The following DYRK4 variants were observed in gnomAD, a reference collection of about 807,000 sequenced individuals.
The protein encoded by DYRK4 is dual specificity tyrosine-phosphorylation-regulated kinase 4.
A neutral mutation model predicts 68.3 loss-of-function variants in DYRK4; 64 were observed. The ratio of observed to expected loss-of-function variants is 0.94; its 90% CI spans 0.77 to 1.15. The LOEUF (loss-of-function observed/expected upper bound fraction) is 1.15, where lower values mean the gene tolerates loss of function less well. Ranked by LOEUF, DYRK4 falls within the 50% of genes most tolerant of loss-of-function variation. The probability of loss-of-function intolerance (pLI) is 0.00; values close to 1 mark genes in which losing one functional copy is unlikely to be tolerated. For synonymous variants in DYRK4, 274 were observed against 289.9 expected, an observed-to-expected ratio of 0.95 and a Z score of 0.56; for missense variants, 740 against 764.7, an observed-to-expected ratio of 0.97 and a Z score of 0.38.
At chr12:4,584,024 A>T (rs1020053591) in intron 2 of DYRK4, among the ~76,000 whole-genome samples, 1 of 152,240 alleles carries the variant, frequency 6.6e-6, no homozygotes, top group Non-Finnish European at 1.5e-5. Context: ...GTTTGTTGCC[A>T]TGGAATTTCC....
intron 3 of DYRK4, chr12:4,590,063 T>G: frequency 9.4e-7 from 1 of 1,060,258 alleles, no homozygotes. Context: ...ATAATTGAGG[T>G]TTCGAGAAAG....
At chr12:4,569,542 A>G (rs1283411744) in intron 2 of DYRK4, among the ~76,000 whole-genome samples, 1 of 152,226 alleles carries the variant, frequency 6.6e-6, no homozygotes, top group African/African-American at 2.4e-5. Flanking sequence ...AAATTAATAT[A>G]CAAGCAAGGC....
At chr12:4,565,579 AG>A (rs1330084894) in intron 1 of DYRK4, among the ~76,000 whole-genome samples, 1 of 151,234 alleles carries the variant, frequency 6.6e-6, no homozygotes. Flanking sequence ...GCGCTGTCAG[AG>A]CTGAACAGAG....
intron 14 of DYRK4, 142 bp downstream of exon 14, chr12:4,612,860 A>G: frequency 1.1e-6 from 1 of 875,720 alleles, no homozygotes; most frequent in Non-Finnish European, 1.7e-6. Flanking sequence ...ATTCTGTTTA[A>G]TATGCTGTTT....
chr12:4,610,189 CAG>C lies in DYRK4; in HGVS notation c.1396_1397del (p.Arg466GlyfsTer19), dbSNP rs775589339. ...KGFPKNITNN[R>X]GKKRYPDSKD... ...GTTTTCCTAAAAATATAACCAACAA[CAG>C]GGGGAAAAAAAGATACCCAGATTCC... On this transcript the variant is annotated frameshift_variant, in exon 13 of 15. Transcript: ENST00000543431. LOFTEE classifies it high-confidence loss of function. 3.6e-5 allele frequency: 57 copies of C among 1,602,070 alleles called. No individual in the cohort carries two copies. Among genetic ancestry groups the C allele is most frequent in the Middle Eastern group, 1.7e-4 (1 of 6,036 alleles).
rs769212836 is a variant in DYRK4 at position 4,596,310 on chromosome 12, C to T, written c.764+25C>T. 3.1e-6 allele frequency: 5 copies of T among 1,613,634 alleles called. No homozygotes were observed. The South Asian group carries it at 4.4e-5, about 14-fold the overall frequency. ...GGTGTGGCTTGGGGATGACATAGGC[C>T]ACAGAGGAGGGACTGCGTGACTGTG... On this transcript the variant is annotated intron_variant, in intron 7 of 14. Coordinates refer to ENST00000543431, the MANE Select transcript of DYRK4 (RefSeq NM_001394779.1).
intron 13 of DYRK4, among the ~76,000 whole-genome samples, chr12:4,610,726 C>G (rs1400059887): frequency 6.6e-6 from 1 of 152,136 alleles, no homozygotes; most frequent in Non-Finnish European, 1.5e-5. Context: ...GCCTGTCCCC[C>G]TCCCCCTAGG....
At chr12:4,605,371 C>T (rs148804574) in intron 11 of DYRK4, among the ~76,000 whole-genome samples, 2 of 152,206 alleles carry the variant, frequency 1.3e-5, no homozygotes, top group Admixed American at 6.5e-5. Flanking sequence ...CAAAAATATC[C>T]AAAAGAATGC....
chr12:4,590,827 T>C, intron 4 of DYRK4: 1 of 422,180 alleles, frequency 2.4e-6, no homozygotes, highest in Non-Finnish European at 4.1e-6. Flanking sequence ...GTCCATGTGC[T>C]CCTGGGCAAG....
At chr12:4,583,507 T>C (rs549766981) in intron 2 of DYRK4, among the ~76,000 whole-genome samples, 1 of 152,098 alleles carries the variant, frequency 6.6e-6, no homozygotes, top group East Asian at 1.9e-4. Context: ...TGCTCTGTAC[T>C]TCAGTCACAG....
At chr12:4,596,796 C>T in intron 8 of DYRK4, 67 bp downstream of exon 8, 1 of 1,599,888 alleles carries the variant, frequency 6.3e-7, no homozygotes, top group Non-Finnish European at 8.5e-7. Context: ...TTTTTGAGGT[C>T]AGAACACTAG....
intron 2 of DYRK4, among the ~76,000 whole-genome samples, chr12:4,572,438 C>T (rs182580609): frequency 0.41 from 62,393 of 151,850 alleles, 13,373 homozygotes; most frequent in Middle Eastern, 0.49. Flanking sequence ...CCCGCCACCA[C>T]ACCTGGCTAA....
At chr12:4,602,542 G>A (rs1945093357) in intron 10 of DYRK4, 7 of 1,170,420 alleles carry the variant, frequency 6.0e-6, no homozygotes, top group Non-Finnish European at 8.8e-6. Flanking sequence ...ACTTATAAGT[G>A]GAGGGATATA....
chr12:4,587,648 G>A (rs531255425), intron 2 of DYRK4, among the ~76,000 whole-genome samples: 98 of 152,270 alleles, frequency 6.4e-4, no homozygotes, highest in Non-Finnish European at 7.9e-4. Flanking sequence ...GCACATTAGC[G>A]AATTAACGTG....
chr12:4,613,458 T>C lies in DYRK4; in HGVS notation c.1667-57T>C. ...AGTGATGTACAACCTAAAGGACAAT[T>C]AACATATAATCCACATTTGAATCTT... On this transcript the variant is annotated intron_variant, in intron 14 of 14. Transcript: ENST00000543431. This position sits in a 1 kb window ranked among gnomAD's most constrained non-coding sequence, Gnocchi z 4.0. The C allele has an allele frequency of 1.3e-6, 2 of 1,556,782 alleles. No individual in the cohort carries two copies. The highest frequency in any genetic ancestry group is 1.7e-6 in the Non-Finnish European group (2 of 1,145,464).
chr12:4,580,302 C>G (rs1353334479), intron 2 of DYRK4, among the ~76,000 whole-genome samples: 1 of 152,140 alleles, frequency 6.6e-6, no homozygotes, highest in Non-Finnish European at 1.5e-5. Context: ...CTGGTCCTCC[C>G]AAGAGGCTGG....
chr12:4,570,738 T>TC (rs1278966484), intron 2 of DYRK4, among the ~76,000 whole-genome samples: 1 of 152,234 alleles, frequency 6.6e-6, no homozygotes, highest in African/African-American at 2.4e-5. Flanking sequence ...GATATAACAA[T>TC]CAAGTATTCA....
At position 4,592,999 on chromosome 12, in the gene DYRK4, CA is replaced by C; in HGVS notation, c.464-2del. 6.2e-7 allele frequency: 1 copy of C among 1,612,302 alleles called. No individual in the cohort carries two copies. The highest frequency in any genetic ancestry group is 8.5e-7 in the Non-Finnish European group (1 of 1,179,142). ...ACTCACAATTGTAGTGTTTTTCACA[CA>C]GAGGCCCTAAAGCTTTTTAAGAACC... On this transcript the variant is annotated splice_acceptor_variant, in intron 5 of 14. Coordinates refer to ENST00000543431, the MANE Select transcript of DYRK4 (RefSeq NM_001394779.1). LOFTEE classifies it high-confidence loss of function.
intron 11 of DYRK4, 69 bp from the exon 12 acceptor site, chr12:4,607,258 C>T (rs1474348046): frequency 2.2e-5 from 35 of 1,585,624 alleles, no homozygotes; most frequent in South Asian, 1.1e-4. Context: ...GGCCAAAGTA[C>T]GCTCCACCCC....
Sources: gnomAD v4.1 joint callset for allele counts (sites outside exome capture counted in the v4.1 genomes callset) on GRCh38, gnomAD v4.1.1 for gene constraint, Gnocchi (gnomAD v3.1) non-coding constraint, MANE v1.5 for transcripts, NCBI Gene and HGNC (gene_info 2026-07-23, HGNC 2026-07-21) for gene names.